Variants in TRIR observed in about 807,000 individuals in gnomAD.
TRIR encodes telomerase RNA component interacting RNase.
Under a neutral mutation model 18.2 loss-of-function variants are expected in TRIR, and 5 were observed. The observed-to-expected ratio is 0.27, with a 90% CI of 0.14 to 0.58. The LOEUF (loss-of-function observed/expected upper bound fraction) is 0.58, where lower values mean the gene tolerates loss of function less well. Ranked by LOEUF, TRIR falls within the 20% of genes least tolerant of loss-of-function variation. TRIR has a pLI of 0.91. For synonymous variants in TRIR, 134 were observed against 114.4 expected, an observed-to-expected ratio of 1.17 and a Z score of -1.10; for missense variants, 206 against 252.8, an observed-to-expected ratio of 0.81 and a Z score of 1.25.
intron 1 of TRIR, among the ~76,000 whole-genome samples, chr19:12,732,096 C>T (rs1265612151): frequency 7.0e-6 from 1 of 143,462 alleles, no homozygotes; most frequent in Non-Finnish European, 1.5e-5. Context: ...TGCACTCCAG[C>T]CTGGGCAACA....
In TRIR at chr19:12,734,601, CGCGGGGCCCGGA is replaced by C. The variant is rs1306670007; in HGVS notation, c.45_56del (p.Pro16_Ala19del). On this transcript the variant is annotated inframe_deletion, in exon 1 of 3. Transcript: ENST00000242784. The surrounding 1 kb of genome is among the most constrained non-coding windows in gnomAD (Gnocchi z 4.1). ...AACGGCTCCCGCCACCGCCACCGCC[CGCGGGGCCCGGA>C]GCCTCCCGGCCCTGAGGCTCCGCCC... The C allele has an allele frequency of 5.3e-6, 8 of 1,519,542 alleles. No homozygotes were observed. The highest frequency in any genetic ancestry group is 7.0e-6 in the Non-Finnish European group (8 of 1,139,712). The allele number at this position is 1,519,542 out of a possible 1,614,324, so 94.1% of individuals were successfully genotyped here.
chr19:12,731,142 CAT>C lies in TRIR; in HGVS notation c.424-76_424-75del. 7.3e-7 allele frequency: 1 copy of C among 1,364,942 alleles called. No individual in the cohort carries two copies. Among genetic ancestry groups the C allele is most frequent in the Non-Finnish European group, 1.0e-6 (1 of 954,516 alleles). The allele number at this position is 1,364,942 out of a possible 1,614,324, so 84.6% of individuals were successfully genotyped here. Reference sequence around the variant, plus strand: ...CAGGACTGCCCTGAGACAGGTGACCCATTCCCAGTGTCACCCAGAAGACTCTG... The same window carrying C: ...CAGGACTGCCCTGAGACAGGTGACCCTCCCAGTGTCACCCAGAAGACTCTG... On this transcript the variant is annotated intron_variant, in intron 2 of 2. Coordinates refer to ENST00000242784, the MANE Select transcript of TRIR (RefSeq NM_024038.4). The surrounding 1 kb of genome is among the most constrained non-coding windows in gnomAD (Gnocchi z 5.1).
chr19:12,732,478 C>T (rs1967449751), intron 1 of TRIR, among the ~76,000 whole-genome samples: 2 of 152,216 alleles, frequency 1.3e-5, no homozygotes, highest in East Asian at 1.9e-4. Flanking sequence ...CTTCCTCTAG[C>T]CTTTCATCCT....
chr19:12,731,821 G>A lies in TRIR; in HGVS notation c.346-400C>T, dbSNP rs1442820347. On this transcript the variant is annotated intron_variant, in intron 1 of 2. Coordinates refer to ENST00000242784, the MANE Select transcript of TRIR (RefSeq NM_024038.4). This position sits in a 1 kb window ranked among gnomAD's most constrained non-coding sequence, Gnocchi z 5.1. ...TTTTCACAGCTACCCTAAGATGAAA[G>A]TTAGAACCACCCCCTTTTTGACCAG... 1 of 178,638 alleles carries A rather than the reference G, an allele frequency of 5.6e-6. No individual in the cohort carries two copies. Among genetic ancestry groups the A allele is most frequent in the Non-Finnish European group, 1.2e-5 (1 of 84,000 alleles). 11.1% of individuals were successfully genotyped at this position (178,638 alleles called of 1,614,324 possible).
In TRIR at chr19:12,734,335, C is replaced by T; in HGVS notation, c.323G>A (p.Gly108Asp). ...AGPGDPKRKG[G>D]PGSTLSFVGK... ...TACGAAGCTAAGTGTGGAGCCCGGA[C>T]CGCCCTTCCTCTTCGGATCCCCGGG... The change falls in exon 1 of 3, where the codon GGT becomes GAT. Residue 108 changes from glycine to aspartate, a missense_variant. Coordinates refer to ENST00000242784, the MANE Select transcript of TRIR (RefSeq NM_024038.4). This position sits in a 1 kb window ranked among gnomAD's most constrained non-coding sequence, Gnocchi z 4.1. 1 of 1,440,484 alleles carries T rather than the reference C, an allele frequency of 6.9e-7. No homozygotes were observed. The highest frequency in any genetic ancestry group is 9.1e-7 in the Non-Finnish European group (1 of 1,096,208). 89.2% of individuals were successfully genotyped at this position (1,440,484 alleles called of 1,614,324 possible). A position where few individuals can be genotyped will look rare whatever the true frequency, so the allele number is the denominator to read the frequency against.
In TRIR at chr19:12,731,528, C is replaced by T. The variant is rs549891506; in HGVS notation, c.346-107G>A. 9 of 1,231,928 alleles carry T rather than the reference C, an allele frequency of 7.3e-6. No homozygotes were observed. Among genetic ancestry groups the T allele is most frequent in the Admixed American group, 2.5e-5 (1 of 40,098 alleles). 76.3% of individuals were successfully genotyped at this position (1,231,928 alleles called of 1,614,324 possible). A position where few individuals can be genotyped will look rare whatever the true frequency, so the allele number is the denominator to read the frequency against. Reference sequence around the variant, plus strand: ...AGCCCGGCCTGGTGGCCCGTCCTGACGCCGCGCCCAGCTCCGCCAGCCGGC... The same window carrying T: ...AGCCCGGCCTGGTGGCCCGTCCTGATGCCGCGCCCAGCTCCGCCAGCCGGC... On this transcript the variant is annotated intron_variant, in intron 1 of 2. Transcript: ENST00000242784. This position sits in a 1 kb window ranked among gnomAD's most constrained non-coding sequence, Gnocchi z 5.1.
Position 12,734,577 on chromosome 19 carries a change from A to C in TRIR, c.81T>G (p.Arg27=). 1.3e-6 allele frequency: 2 copies of C among 1,523,820 alleles called. No homozygotes were observed. Among genetic ancestry groups the C allele is most frequent in the Non-Finnish European group, 1.8e-6 (2 of 1,140,872 alleles). 94.4% of individuals were successfully genotyped at this position (1,523,820 alleles called of 1,614,324 possible). ...GPAGGGGGGS[R]WAESGSGTSP... is the part of the protein sequence containing the mutation. ...ACGTCCCCGATCCCGACTCAGCCCA[A>C]CGGCTCCCGCCACCGCCACCGCCCG... The change falls in exon 1 of 3, where the codon CGT becomes CGG. Residue 27 remains arginine, a synonymous_variant. Transcript: ENST00000242784. The surrounding 1 kb of genome is among the most constrained non-coding windows in gnomAD (Gnocchi z 4.1).
rs1967494728 is a variant in TRIR, at chr19:12,734,413, T to G, written c.245A>C (p.Glu82Ala). ...KMEEEQRQRQEEPPPGPQRPD... is the reference protein window; with the variant it reads ...KMEEEQRQRQAEPPPGPQRPD... ...TCGCTGCGGACCCGGGGGCGGCTCC[T>G]CCTGCCGCTGCCGCTGCTCCTCCTC... Residue 82 changes from glutamate to alanine, a missense_variant, in exon 1 of 3, where the codon GAG (glutamate) becomes GCG (alanine). Glu to Ala is a moderately radical substitution (Grantham distance 107, BLOSUM62 -1). Around this residue, in one of 2 missense-constraint regions of TRIR, gnomAD observed 172 missense variants for 165.0 expected, o/e 1.04. Transcript: ENST00000242784. The surrounding 1 kb of genome is among the most constrained non-coding windows in gnomAD (Gnocchi z 4.1). The G allele has an allele frequency of 1.3e-6, 2 of 1,519,530 alleles. No individual in the cohort carries two copies. Among genetic ancestry groups the G allele is most frequent in the Non-Finnish European group, 1.8e-6 (2 of 1,134,806 alleles). The allele number at this position is 1,519,530 out of a possible 1,614,324, so 94.1% of individuals were successfully genotyped here. A position where few individuals can be genotyped will look rare whatever the true frequency, so the allele number is the denominator to read the frequency against.
rs1967485946 is a variant in TRIR at position 12,734,130 on chromosome 19, C to A, written c.345+183G>T. ...GTTCCCACGGGCAAGCTCCTGGAGTCCCCACTCCCGCCCCTAGACCCCAGT... is the reference window on the plus strand; with the variant it reads ...GTTCCCACGGGCAAGCTCCTGGAGTACCCACTCCCGCCCCTAGACCCCAGT... On this transcript the variant is annotated intron_variant, in intron 1 of 2. Transcript: ENST00000242784. This position sits in a 1 kb window ranked among gnomAD's most constrained non-coding sequence, Gnocchi z 4.1. Among the ~76,000 whole-genome samples, 1 of 152,222 alleles carries A rather than the reference C, an allele frequency of 6.6e-6. No individual in the cohort carries two copies. The highest frequency in any genetic ancestry group is 2.4e-5 in the African/African-American group (1 of 41,464).
At position 12,731,450 on chromosome 19, in the gene TRIR, G is replaced by A. The variant is rs144776764; in HGVS notation, c.346-29C>T. On this transcript the variant is annotated intron_variant, in intron 1 of 2. Coordinates refer to ENST00000242784, the MANE Select transcript of TRIR (RefSeq NM_024038.4). The surrounding 1 kb of genome is among the most constrained non-coding windows in gnomAD (Gnocchi z 5.1). ...GGTGAAGGGACAGAAGACTGCAACG[G>A]TTACAGGAGCCGGGACCGCCCTTGG... is the stretch of plus-strand genomic sequence containing the variant. 357 of 1,601,550 alleles carry A rather than the reference G, an allele frequency of 2.2e-4. 2 individuals are homozygous for A. The African/African-American group carries it at 3.2e-3, about 15-fold the overall frequency.
At position 12,731,585 on chromosome 19, in the gene TRIR, G is replaced by A. The variant is rs753511697; in HGVS notation, c.346-164C>T. The A allele has an allele frequency of 1.5e-5, 10 of 689,466 alleles. No individual in the cohort carries two copies. Among genetic ancestry groups the A allele is most frequent in the Non-Finnish European group, 2.1e-5 (9 of 418,612 alleles). 42.7% of individuals were successfully genotyped at this position (689,466 alleles called of 1,614,324 possible). ...GCGCAGCAATCAGAGAGGAGCACAC[G>A]CGACTCAGCGCCTGCCCTGGGCCCG... On this transcript the variant is annotated intron_variant, in intron 1 of 2. Coordinates refer to ENST00000242784, the MANE Select transcript of TRIR (RefSeq NM_024038.4). The surrounding 1 kb of genome is among the most constrained non-coding windows in gnomAD (Gnocchi z 5.1).
chr19:12,732,891 G>T (rs1018806826), intron 1 of TRIR, among the ~76,000 whole-genome samples: 1 of 151,812 alleles, frequency 6.6e-6, no homozygotes, highest in African/African-American at 2.4e-5. Context: ...AGCCTGGCCT[G>T]CTGGGATTAT....
Position 12,734,369 on chromosome 19 carries a change from C to T in TRIR, c.289G>A (p.Ala97Thr). The part of the protein sequence containing the change: ...GPQRPDQSAA[A>T]AGPGDPKRKG... ...CTCTTCGGATCCCCGGGGCCAGCGG[C>T]GGCGGCCGACTGGTCGGGTCGCTGC... The change falls in exon 1 of 3, where the codon GCC (alanine) becomes ACC (threonine). Residue 97 changes from alanine to threonine, a missense_variant. By Grantham distance (58) the Ala-to-Thr change is moderately conservative. This residue lies in a region of TRIR where 172 missense variants were observed against 165.0 expected (regional missense o/e 1.04). Coordinates refer to ENST00000242784, the MANE Select transcript of TRIR (RefSeq NM_024038.4). The surrounding 1 kb of genome is among the most constrained non-coding windows in gnomAD (Gnocchi z 4.1). 1 of 1,474,486 alleles carries T rather than the reference C, an allele frequency of 6.8e-7. No individual in the cohort carries two copies. Among genetic ancestry groups the T allele is most frequent in the Non-Finnish European group, 9.0e-7 (1 of 1,114,112 alleles). 91.3% of individuals were successfully genotyped at this position (1,474,486 alleles called of 1,614,324 possible). A position where few individuals can be genotyped will look rare whatever the true frequency, so the allele number is the denominator to read the frequency against.
chr19:12,732,931 T>C (rs909855280), intron 1 of TRIR, among the ~76,000 whole-genome samples: 1 of 151,892 alleles, frequency 6.6e-6, no homozygotes, highest in African/African-American at 2.4e-5. Context: ...TAAGATACTC[T>C]CTTGTTCTGT....
Position 12,734,682 on chromosome 19 carries a change from G to C in TRIR, c.-25C>G. The C allele has an allele frequency of 2.0e-6, 3 of 1,476,602 alleles. No homozygotes were observed. The South Asian group carries it at 4.0e-5, about 20-fold the overall frequency. The allele number at this position is 1,476,602 out of a possible 1,614,324, so 91.5% of individuals were successfully genotyped here. A position where few individuals can be genotyped will look rare whatever the true frequency, so the allele number is the denominator to read the frequency against. On this transcript the variant is annotated 5_prime_UTR_variant, in exon 1 of 3. Coordinates refer to ENST00000242784, the MANE Select transcript of TRIR (RefSeq NM_024038.4). This position sits in a 1 kb window ranked among gnomAD's most constrained non-coding sequence, Gnocchi z 4.1. Reference sequence around the variant, plus strand: ...TTTTGTCGCCAGGTGCCGCGCAAAGGACTCCGGGAAGGCCGCTCCGGCCCC... The same window carrying C: ...TTTTGTCGCCAGGTGCCGCGCAAAGCACTCCGGGAAGGCCGCTCCGGCCCC...
At position 12,731,628 on chromosome 19, in the gene TRIR, G is replaced by C. The variant is rs1019864351; in HGVS notation, c.346-207C>G. The C allele has an allele frequency of 5.1e-6, 3 of 588,620 alleles. No individual in the cohort carries two copies. Among genetic ancestry groups the C allele is most frequent in the Non-Finnish European group, 6.0e-6 (2 of 331,964 alleles). 36.5% of individuals were successfully genotyped at this position (588,620 alleles called of 1,614,324 possible). A position where few individuals can be genotyped will look rare whatever the true frequency, so the allele number is the denominator to read the frequency against. On this transcript the variant is annotated intron_variant, in intron 1 of 2. Transcript: ENST00000242784. This position sits in a 1 kb window ranked among gnomAD's most constrained non-coding sequence, Gnocchi z 5.1. The stretch of plus-strand genomic sequence containing the variant: ...TGGGCCCGCGGTGCCCTCCCAGGGA[G>C]CAAGAAGAGTGTCCACCTCAGTAGG...
intron 1 of TRIR, among the ~76,000 whole-genome samples, chr19:12,732,627 C>T (rs1469192117): frequency 2.7e-5 from 4 of 150,288 alleles, no homozygotes; most frequent in Non-Finnish European, 5.9e-5. Flanking sequence ...CAGAGTCTTA[C>T]TGTCGAGGCT....
At chr19:12,732,764 A>G (rs1967459199) in intron 1 of TRIR, among the ~76,000 whole-genome samples, 1 of 151,674 alleles carries the variant, frequency 6.6e-6, no homozygotes, top group African/African-American at 2.4e-5. Flanking sequence ...TAATTTTTGT[A>G]TTTTTAGTAG....
At position 12,734,646 on chromosome 19, in the gene TRIR, T is replaced by A; in HGVS notation, c.12A>T (p.Arg4=). 1 of 1,507,104 alleles carries A rather than the reference T, an allele frequency of 6.6e-7. No homozygotes were observed. Among genetic ancestry groups the A allele is most frequent in the Non-Finnish European group, 8.8e-7 (1 of 1,135,974 alleles). 93.4% of individuals were successfully genotyped at this position (1,507,104 alleles called of 1,614,324 possible). The part of the protein sequence containing the change: MAA[R]GRRAEPQGRE... ...GGCCCTGAGGCTCCGCCCGTCTCCC[T>A]CGGGCAGCCATTTTGTCGCCAGGTG... Residue 4 remains arginine, a synonymous_variant, in exon 1 of 3, where the codon CGA becomes CGT. Coordinates refer to ENST00000242784, the MANE Select transcript of TRIR (RefSeq NM_024038.4). The surrounding 1 kb of genome is among the most constrained non-coding windows in gnomAD (Gnocchi z 4.1).
Sources: gnomAD v4.1 joint callset for allele counts (sites outside exome capture counted in the v4.1 genomes callset) on GRCh38, gnomAD v4.1.1 for gene constraint, gnomAD v4.1.1 regional missense constraint, Gnocchi (gnomAD v3.1) non-coding constraint, MANE v1.5 for transcripts, NCBI Gene and HGNC (gene_info 2026-07-23, HGNC 2026-07-21) for gene names.